The following SNTG2 variants were observed in gnomAD, a reference collection of about 807,000 sequenced individuals.
The protein encoded by SNTG2 is gamma-2-syntrophin.
In SNTG2, 74 loss-of-function variants were observed where a neutral mutation model predicts 70.9. That is an observed-to-expected ratio of 1.04 (90% CI 0.86 to 1.27). The LOEUF (loss-of-function observed/expected upper bound fraction) is 1.27, where lower values mean the gene tolerates loss of function less well. Ranked by LOEUF, SNTG2 falls within the 50% of genes most tolerant of loss-of-function variation. SNTG2 has a pLI of 0.00. For missense variants in SNTG2, 717 were observed against 690.7 expected (o/e 1.04, Z -0.43); for synonymous variants, 278 against 273.8 (o/e 1.02, Z -0.15).
chr2:1,057,026 C>T (rs994859190), intron 1 of SNTG2, among the ~76,000 whole-genome samples: 6 of 150,546 alleles, frequency 4.0e-5, no homozygotes, highest in African/African-American at 1.5e-4. Context: ...CGCTGTGCTG[C>T]GGGGAACGAT....
At chr2:1,201,667 T>C (rs1304390722) in intron 8 of SNTG2, among the ~76,000 whole-genome samples, 1 of 151,976 alleles carries the variant, frequency 6.6e-6, no homozygotes, top group Non-Finnish European at 1.5e-5. Context: ...GTGATGGATT[T>C]TTAATACCTT....
intron 14 of SNTG2, among the ~76,000 whole-genome samples, chr2:1,286,832 A>G (rs763666633): frequency 6.6e-6 from 1 of 152,192 alleles, no homozygotes; most frequent in Non-Finnish European, 1.5e-5. Context: ...CCTTCAATCC[A>G]ATCGAATTGA....
intron 8 of SNTG2, among the ~76,000 whole-genome samples, chr2:1,205,178 A>C (rs990082027): frequency 6.6e-6 from 1 of 152,216 alleles, no homozygotes; most frequent in South Asian, 2.1e-4. Flanking sequence ...CCATACATAC[A>C]TGCCTTGAGG....
At chr2:1,017,503 C>T (rs769691753) in intron 1 of SNTG2, among the ~76,000 whole-genome samples, 3 of 152,102 alleles carry the variant, frequency 2.0e-5, no homozygotes, top group Non-Finnish European at 2.9e-5. Flanking sequence ...GAGACACATA[C>T]GTGCACATTC....
intron 9 of SNTG2, among the ~76,000 whole-genome samples, chr2:1,222,096 T>C (rs1553362242): frequency 4.6e-4 from 6 of 13,066 alleles, no homozygotes; most frequent in African/African-American, 1.4e-3. Context: ...TCTCTCTCTG[T>C]CTCTCTCTGT....
chr2:1,247,106 T>C (rs28622255), intron 11 of SNTG2, among the ~76,000 whole-genome samples: 76,235 of 152,116 alleles, frequency 0.5, 20,938 homozygotes, highest in Admixed American at 0.63. Flanking sequence ...TGCTCATATA[T>C]AAAACCTGGT....
At chr2:1,267,103 G>A (rs896498688) in intron 13 of SNTG2, among the ~76,000 whole-genome samples, 5 of 152,184 alleles carry the variant, frequency 3.3e-5, no homozygotes, top group African/African-American at 1.2e-4. Flanking sequence ...ACAGGAAAGT[G>A]TGTGGTGACC....
At chr2:1,159,666 A>G (rs1670145060) in intron 6 of SNTG2, among the ~76,000 whole-genome samples, 1 of 152,192 alleles carries the variant, frequency 6.6e-6, no homozygotes, top group African/African-American at 2.4e-5. Flanking sequence ...TCACCTAAGA[A>G]TCTGAAGCAA....
intron 8 of SNTG2, among the ~76,000 whole-genome samples, chr2:1,188,417 C>G (rs755891514): frequency 6.6e-6 from 1 of 151,756 alleles, no homozygotes; most frequent in Non-Finnish European, 1.5e-5. Flanking sequence ...GATAAATTTG[C>G]TAGGTAAGAG....
intron 4 of SNTG2, among the ~76,000 whole-genome samples, chr2:1,114,702 T>C (rs114453804): frequency 2.7e-5 from 4 of 146,890 alleles, no homozygotes; most frequent in African/African-American, 2.5e-5. Flanking sequence ...TGTGTACTCA[T>C]GTTTAACCCC....
chr2:1,179,678 G>A (rs1406079744), intron 8 of SNTG2, among the ~76,000 whole-genome samples: 3 of 151,912 alleles, frequency 2.0e-5, no homozygotes, highest in East Asian at 1.9e-4. Flanking sequence ...TCCCCATGAA[G>A]CTACCAATGA....
At position 1,228,701 on chromosome 2, in the gene SNTG2, T is replaced by C. The variant is rs186839410; in HGVS notation, c.720-9187T>C. On this transcript the variant is annotated intron_variant, in intron 9 of 16. Transcript: ENST00000308624. ...CAGCCTCCACCCATGTTCCATTTGA[T>C]AGTCCAGATAATTTTCACTCTGGAT... 2.2e-3 allele frequency among the ~76,000 whole-genome samples: 336 copies of C among 152,274 alleles called. 2 individuals carry two copies. The highest frequency in any genetic ancestry group is 5.6e-3 in the South Asian group (27 of 4,828).
intron 4 of SNTG2, among the ~76,000 whole-genome samples, chr2:1,101,131 T>A (rs776772388): frequency 2.6e-5 from 4 of 151,804 alleles, no homozygotes; most frequent in Non-Finnish European, 5.9e-5. Context: ...CAGTGGGAGG[T>A]CCCCACGCTC....
intron 1 of SNTG2, among the ~76,000 whole-genome samples, chr2:978,677 A>C (rs1660993351): frequency 6.6e-6 from 1 of 152,210 alleles, no homozygotes; most frequent in South Asian, 2.1e-4. Context: ...AATGACTTTT[A>C]AAATATATAT....
intron 1 of SNTG2, among the ~76,000 whole-genome samples, chr2:981,570 CACAT>C (rs1156548344): frequency 1.3e-5 from 2 of 152,086 alleles, no homozygotes; most frequent in South Asian, 2.1e-4. Flanking sequence ...TGCCTGCACA[CACAT>C]ACGTATTCAA....
chr2:1,052,578 T>C (rs1303701652), intron 1 of SNTG2, among the ~76,000 whole-genome samples: 1 of 152,246 alleles, frequency 6.6e-6, no homozygotes, highest in Non-Finnish European at 1.5e-5. Context: ...TCTGCTCTTA[T>C]TTCCTTTATT....
At chr2:1,259,077 T>C (rs1393042657) in intron 12 of SNTG2, among the ~76,000 whole-genome samples, 2 of 152,156 alleles carry the variant, frequency 1.3e-5, no homozygotes, top group African/African-American at 2.4e-5. Flanking sequence ...TTGCATGTGA[T>C]AGACAAGATA....
chr2:965,290 AATCCTCCTCCT>A, intron 1 of SNTG2, among the ~76,000 whole-genome samples: 3 of 132,980 alleles, frequency 2.3e-5, no homozygotes, highest in African/African-American at 9.4e-5. Context: ...CTTGGACCCC[AATCCTCCTCCT>A]GGTCCCCAGT....
At chr2:1,084,202 A>G (rs34179894) in intron 2 of SNTG2, among the ~76,000 whole-genome samples, 24,263 of 152,000 alleles carry the variant, frequency 0.16, 2,091 homozygotes, top group East Asian at 0.21. Context: ...CCCTGTGTCT[A>G]TTTGGTTTTC....
Sources: gnomAD v4.1 joint callset for allele counts (sites outside exome capture counted in the v4.1 genomes callset) on GRCh38, gnomAD v4.1.1 for gene constraint, MANE v1.5 for transcripts, NCBI Gene and HGNC (gene_info 2026-07-23, HGNC 2026-07-21) for gene names.